The following DCUN1D3 variants were observed in gnomAD, a reference collection of about 807,000 sequenced individuals.
The protein encoded by DCUN1D3 is DCN1-like protein 3.
DCUN1D3 carries 6 observed loss-of-function variants against 24.8 expected under a neutral mutation model. That is an observed-to-expected ratio of 0.24 (90% confidence interval 0.13 to 0.48). The LOEUF (loss-of-function observed/expected upper bound fraction) is 0.48. Ranked by LOEUF, DCUN1D3 falls within the 20% of genes least tolerant of loss-of-function variation. The pLI, the probability that DCUN1D3 is intolerant of heterozygous loss-of-function variation, is 0.99. For missense variants in DCUN1D3, 258 were observed against 379.4 expected (o/e 0.68, Z 2.66); for synonymous variants, 120 against 144.9 (o/e 0.83, Z 1.24).
chr16:20,883,320 G>C (rs1230264139), intron 1 of DCUN1D3, among the ~76,000 whole-genome samples: 2 of 152,116 alleles, frequency 1.3e-5, no homozygotes, highest in Non-Finnish European at 2.9e-5. Flanking sequence ...AGACCATCCT[G>C]GCTAACACGG....
rs998153886 is a variant in DCUN1D3, at chr16:20,874,478, G to A, written c.-105-11835C>T. Among the ~76,000 whole-genome samples the A allele has an allele frequency of 2.0e-5, 3 of 152,146 alleles. No homozygotes were observed. The East Asian group carries it at 5.8e-4, about 29-fold the overall frequency. On this transcript the variant is annotated intron_variant, in intron 1 of 2. Coordinates refer to ENST00000324344, the MANE Select transcript of DCUN1D3 (RefSeq NM_173475.4). The stretch of plus-strand genomic sequence containing the variant: ...GCTGTCATCATCTTGTTCCCAAAGA[G>A]GAACCCCGTCCCAGCATTCAGACAC...
rs192986537 is a variant in DCUN1D3 at position 20,883,217 on chromosome 16, G to T, written c.-106+16987C>A. Among the ~76,000 whole-genome samples, 921 of 152,162 alleles carry T rather than the reference G, an allele frequency of 6.1e-3. 2 individuals carry two copies. Among genetic ancestry groups the T allele is most frequent in the Non-Finnish European group, 9.9e-3 (674 of 67,994 alleles). On this transcript the variant is annotated intron_variant, in intron 1 of 2. Transcript: ENST00000324344. ...TTCAGTACTTTAAAAGTGTGTTTTT[G>T]AAAGTTTTGTTCTGGCCGGATGCGG...
chr16:20,870,293 ATCAGAG>A (rs1353529555), intron 1 of DCUN1D3, among the ~76,000 whole-genome samples: 1 of 152,190 alleles, frequency 6.6e-6, no homozygotes, highest in Non-Finnish European at 1.5e-5. Flanking sequence ...GCCCAAGACT[ATCAGAG>A]TCAAAGAAAA....
At chr16:20,887,373 A>G (rs2081872337) in intron 1 of DCUN1D3, among the ~76,000 whole-genome samples, 1 of 152,184 alleles carries the variant, frequency 6.6e-6, no homozygotes, top group Admixed American at 6.5e-5. Flanking sequence ...ACCAAAAATC[A>G]TCTTATGCAC....
At chr16:20,882,134 TCC>T (rs2081847195) in intron 1 of DCUN1D3, among the ~76,000 whole-genome samples, 1 of 151,328 alleles carries the variant, frequency 6.6e-6, no homozygotes, top group Non-Finnish European at 1.5e-5. Flanking sequence ...CTGCTCAGAA[TCC>T]CTCCCCATTC....
At chr16:20,875,210 G>GCGCACA (rs2081807868) in intron 1 of DCUN1D3, among the ~76,000 whole-genome samples, 1 of 140,256 alleles carries the variant, frequency 7.1e-6, no homozygotes, top group Non-Finnish European at 1.6e-5. Flanking sequence ...GTGCGCTCAT[G>GCGCACA]CACACACACA....
chr16:20,891,742 G>C (rs1429748669), intron 1 of DCUN1D3, among the ~76,000 whole-genome samples: 2 of 152,222 alleles, frequency 1.3e-5, no homozygotes, highest in Non-Finnish European at 2.9e-5. Context: ...ACCAGCCACT[G>C]TGTCCCTGTG....
At chr16:20,896,943 C>T (rs1423427450) in intron 1 of DCUN1D3, among the ~76,000 whole-genome samples, 1 of 152,170 alleles carries the variant, frequency 6.6e-6, no homozygotes, top group Non-Finnish European at 1.5e-5. Flanking sequence ...CTTCATTGCC[C>T]CCAGAACTGC....
At chr16:20,881,110 G>T (rs149863585) in intron 1 of DCUN1D3, among the ~76,000 whole-genome samples, 15 of 152,258 alleles carry the variant, frequency 9.9e-5, no homozygotes, top group Admixed American at 6.5e-4. Context: ...CCTTCAGTGA[G>T]AAATATATTT....
At chr16:20,869,821 C>A (rs1258499713) in intron 1 of DCUN1D3, among the ~76,000 whole-genome samples, 2 of 151,826 alleles carry the variant, frequency 1.3e-5, no homozygotes, top group African/African-American at 4.9e-5. Context: ...GGTCACACAG[C>A]CAATGGAGGA....
At chr16:20,886,747 A>G (rs2081869559) in intron 1 of DCUN1D3, among the ~76,000 whole-genome samples, 1 of 152,228 alleles carries the variant, frequency 6.6e-6, no homozygotes, top group African/African-American at 2.4e-5. Context: ...CAGCTTTAAA[A>G]GGACTGATAC....
Position 20,865,209 on chromosome 16 carries a change from G to GA in DCUN1D3, c.-105-2567dup, listed in dbSNP as rs771466754. On this transcript the variant is annotated intron_variant, in intron 1 of 2. Transcript: ENST00000324344. ...AATGCTCAGGATATTCAGAAAAAAA[G>GA]AAAAAACTGAAAAAAGTGGGAAAAA... 1.7e-3 allele frequency among the ~76,000 whole-genome samples: 252 copies of GA among 149,510 alleles called. 1 individual carries two copies. Among genetic ancestry groups the GA allele is most frequent in the Admixed American group, 4.0e-3 (61 of 15,084 alleles).
chr16:20,868,563 T>C (rs1258069811), intron 1 of DCUN1D3, among the ~76,000 whole-genome samples: 1 of 152,238 alleles, frequency 6.6e-6, no homozygotes, highest in East Asian at 1.9e-4. Flanking sequence ...CTCTGCTCAA[T>C]ACCTGACTCA....
chr16:20,877,703 T>C (rs867480968), intron 1 of DCUN1D3, among the ~76,000 whole-genome samples: 4 of 152,348 alleles, frequency 2.6e-5, no homozygotes, highest in Middle Eastern at 6.8e-3. Flanking sequence ...TTTATACCAA[T>C]TCAAATTATA....
intron 1 of DCUN1D3, among the ~76,000 whole-genome samples, chr16:20,874,880 A>G (rs1001288173): frequency 6.6e-6 from 1 of 152,022 alleles, no homozygotes; most frequent in African/African-American, 2.4e-5. Context: ...GCCCCAGAGT[A>G]CATTAACATG....
rs2081700466 is a variant in DCUN1D3, at chr16:20,855,901, CAAG to C, written c.*3982_*3984del. 6.6e-6 allele frequency: 1 copy of C among 152,220 alleles called. No individual in the cohort carries two copies. Among genetic ancestry groups the C allele is most frequent in the South Asian group, 2.1e-4 (1 of 4,836 alleles). 9.4% of individuals were successfully genotyped at this position (152,220 alleles called of 1,614,324 possible). A position where few individuals can be genotyped will look rare whatever the true frequency, so the allele number is the denominator to read the frequency against. Reference sequence around the variant, plus strand: ...TAAACAAGATACTGCTGGAGTCCTCCAAGAAGACCTGTCATTTACCAAGATGTT... The same window carrying C: ...TAAACAAGATACTGCTGGAGTCCTCCAAGACCTGTCATTTACCAAGATGTT... On this transcript the variant is annotated 3_prime_UTR_variant, in exon 3 of 3. Coordinates refer to ENST00000324344, the MANE Select transcript of DCUN1D3 (RefSeq NM_173475.4).
At chr16:20,889,425 C>G (rs10492809) in intron 1 of DCUN1D3, among the ~76,000 whole-genome samples, 1,861 of 151,806 alleles carry the variant, frequency 0.012, 46 homozygotes, top group African/African-American at 0.043. Flanking sequence ...ATAAAGTAAG[C>G]TGGTTTCTTG....
intron 1 of DCUN1D3, among the ~76,000 whole-genome samples, chr16:20,891,243 C>T (rs1386739223): frequency 2.6e-5 from 4 of 152,130 alleles, no homozygotes; most frequent in East Asian, 1.9e-4. Flanking sequence ...CCACCCACCT[C>T]GGCCTCCCAA....
chr16:20,899,122 A>C (rs558850095), intron 1 of DCUN1D3, among the ~76,000 whole-genome samples: 11 of 152,380 alleles, frequency 7.2e-5, no homozygotes, highest in Non-Finnish European at 1.5e-4. Flanking sequence ...TAAATGGAGA[A>C]AAACATAAAA....
Sources: gnomAD v4.1 joint callset for allele counts (sites outside exome capture counted in the v4.1 genomes callset) on GRCh38, gnomAD v4.1.1 for gene constraint, MANE v1.5 for transcripts, NCBI Gene and HGNC (gene_info 2026-07-23, HGNC 2026-07-21) for gene names.